LMX1A: variants seen among roughly 807,000 people sequenced by gnomAD.
LMX1A encodes LIM homeobox transcription factor 1-alpha.
LMX1A carries 15 observed loss-of-function variants against 49.1 expected under a neutral mutation model. That is an observed-to-expected ratio of 0.31 (90% CI 0.20 to 0.47). The LOEUF (loss-of-function observed/expected upper bound fraction) is 0.47, where lower values mean the gene tolerates loss of function less well. Among genes scored for constraint, LMX1A ranks in the 20% least tolerant of loss-of-function variants. LMX1A has a pLI of 1.00. For missense variants in LMX1A, 372 were observed against 475.8 expected (o/e 0.78, Z 2.03); for synonymous variants, 167 against 185.7 (o/e 0.90, Z 0.82).
chr1:165,256,358 C>A (rs1480979215), intron 3 of LMX1A, among the ~76,000 whole-genome samples: 1 of 152,130 alleles, frequency 6.6e-6, no homozygotes, highest in African/African-American at 2.4e-5. Flanking sequence ...TCATCCATTT[C>A]TCAATGGAAA....
In LMX1A at chr1:165,306,399, A is replaced by T. The variant is rs560150294; in HGVS notation, c.263+46677T>A. Among the ~76,000 whole-genome samples, 8 of 152,276 alleles carry T rather than the reference A, an allele frequency of 5.3e-5. 1 individual carries two copies. Among genetic ancestry groups the T allele is most frequent in the African/African-American group, 1.9e-4 (8 of 41,562 alleles). On this transcript the variant is annotated intron_variant, in intron 3 of 8. Coordinates refer to ENST00000342310, the MANE Select transcript of LMX1A (RefSeq NM_177398.4). ...TGTCATTCTCCATGAGAACACATCT[A>T]AGTGGCTCTTGATCCAAAAAGAATG...
At chr1:165,302,140 T>C (rs1435854682) in intron 3 of LMX1A, among the ~76,000 whole-genome samples, 1 of 144,826 alleles carries the variant, frequency 6.9e-6, no homozygotes, top group East Asian at 2.0e-4. Flanking sequence ...TCTGTACTAG[T>C]GAAAGAAGAG....
intron 4 of LMX1A, among the ~76,000 whole-genome samples, chr1:165,234,133 G>A (rs1172618166): frequency 6.6e-6 from 1 of 152,046 alleles, no homozygotes; most frequent in African/African-American, 2.4e-5. Context: ...TCACATTTTG[G>A]CGTTAATCTT....
intron 4 of LMX1A, among the ~76,000 whole-genome samples, chr1:165,220,187 TA>T (rs1296223231): frequency 6.6e-6 from 1 of 151,792 alleles, no homozygotes; most frequent in Non-Finnish European, 1.5e-5. Context: ...TTAAGGAACA[TA>T]AAACTGAATT....
chr1:165,252,797 C>T (rs76192790), intron 3 of LMX1A, among the ~76,000 whole-genome samples: 3,261 of 152,280 alleles, frequency 0.021, 118 homozygotes, highest in African/African-American at 0.075. Flanking sequence ...CCTTGCTCTG[C>T]TAATGAGCCC....
intron 3 of LMX1A, among the ~76,000 whole-genome samples, chr1:165,283,797 T>C (rs533110999): frequency 6.6e-6 from 1 of 152,332 alleles, no homozygotes; most frequent in East Asian, 1.9e-4. Flanking sequence ...ACCAATAAAA[T>C]ACACACAAAC....
chr1:165,353,003 T>A, intron 3 of LMX1A, 73 bp downstream of exon 3: 1 of 1,484,286 alleles, frequency 6.7e-7, no homozygotes, highest in Non-Finnish European at 9.3e-7. Flanking sequence ...AGGACTAGGG[T>A]AAAGGAGGAC....
At chr1:165,279,675 G>C (rs1368068295) in intron 3 of LMX1A, among the ~76,000 whole-genome samples, 2 of 152,224 alleles carry the variant, frequency 1.3e-5, no homozygotes, top group East Asian at 3.9e-4. Context: ...AAATGGCATA[G>C]GGCAAATTTA....
At chr1:165,335,981 T>A (rs1655885942) in intron 3 of LMX1A, among the ~76,000 whole-genome samples, 1 of 152,110 alleles carries the variant, frequency 6.6e-6, no homozygotes, top group African/African-American at 2.4e-5. Flanking sequence ...GTGAGCCTAC[T>A]CTGCAATTGG....
chr1:165,356,557 C>G lies in LMX1A; in HGVS notation c.-225G>C, dbSNP rs1400362839. 3 of 152,198 alleles carry G rather than the reference C, an allele frequency of 2.0e-5. No homozygotes were observed. Among genetic ancestry groups the G allele is most frequent in the Non-Finnish European group, 2.9e-5 (2 of 68,024 alleles). 9.4% of individuals were successfully genotyped at this position (152,198 alleles called of 1,614,324 possible). On this transcript the variant is annotated 5_prime_UTR_variant, in exon 1 of 9. Transcript: ENST00000342310. ...CGCCCAGGCTGGGCCGGGACGTGGT[C>G]GCGAGCTGCCGGCCTTCCCGGGACG...
At chr1:165,343,563 G>A (rs544595373) in intron 3 of LMX1A, among the ~76,000 whole-genome samples, 5 of 152,240 alleles carry the variant, frequency 3.3e-5, no homozygotes, top group South Asian at 2.1e-4. Flanking sequence ...TTGGACACCT[G>A]TTGACAATAG....
At chr1:165,305,258 G>A (rs570198598) in intron 3 of LMX1A, among the ~76,000 whole-genome samples, 6 of 152,256 alleles carry the variant, frequency 3.9e-5, no homozygotes, top group Admixed American at 2.0e-4. Flanking sequence ...CGATGGACTC[G>A]TCGACACATA....
chr1:165,336,401 CACAA>C (rs1248549060), intron 3 of LMX1A, among the ~76,000 whole-genome samples: 1 of 152,190 alleles, frequency 6.6e-6, no homozygotes, highest in Non-Finnish European at 1.5e-5. Context: ...CAGAAACAGA[CACAA>C]ACAGACCCAA....
At position 165,353,062 on chromosome 1, in the gene LMX1A, G is replaced by C. The variant is rs562923701; in HGVS notation, c.263+14C>G. On this transcript the variant is annotated intron_variant, in intron 3 of 8. Transcript: ENST00000342310. ...CCAGTGCGCGGGGAGCGCTGCGGGG[G>C]TGCGGCCACTTACTTCTCGTAGTCA... 9 of 1,613,244 alleles carry C rather than the reference G, an allele frequency of 5.6e-6. No homozygotes were observed. In the Admixed American group the frequency reaches 1.5e-4, roughly 27 times the overall value.
intron 3 of LMX1A, among the ~76,000 whole-genome samples, chr1:165,317,099 T>C (rs1369768867): frequency 6.6e-6 from 1 of 152,188 alleles, no homozygotes; most frequent in East Asian, 1.9e-4. Context: ...ACCCAGCATG[T>C]CCATCATATA....
intron 4 of LMX1A, among the ~76,000 whole-genome samples, chr1:165,217,461 G>C (rs1325293300): frequency 6.6e-6 from 1 of 152,188 alleles, no homozygotes; most frequent in Admixed American, 6.5e-5. Flanking sequence ...ACCACAGGTG[G>C]CTGCTCCTTC....
intron 3 of LMX1A, among the ~76,000 whole-genome samples, chr1:165,324,260 G>A (rs71628375): frequency 0.074 from 11,319 of 152,256 alleles, 606 homozygotes; most frequent in South Asian, 0.2. Flanking sequence ...CTGAACATCC[G>A]AGCTGTGAGC....
intron 4 of LMX1A, among the ~76,000 whole-genome samples, chr1:165,229,797 T>A (rs1283173323): frequency 6.6e-6 from 1 of 152,170 alleles, no homozygotes; most frequent in Non-Finnish European, 1.5e-5. Context: ...GGCTCTTTTT[T>A]CTGGTTGTTA....
intron 3 of LMX1A, among the ~76,000 whole-genome samples, chr1:165,275,672 G>A (rs559778404): frequency 6.6e-6 from 1 of 152,274 alleles, no homozygotes; most frequent in Non-Finnish European, 1.5e-5. Flanking sequence ...CAGGGAAGAA[G>A]AGCTGCTGAA....
Sources: gnomAD v4.1 joint callset for allele counts (sites outside exome capture counted in the v4.1 genomes callset) on GRCh38, gnomAD v4.1.1 for gene constraint, MANE v1.5 for transcripts, NCBI Gene and HGNC (gene_info 2026-07-23, HGNC 2026-07-21) for gene names.